Variants in FOXP2 observed in about 807,000 individuals in gnomAD.
The protein encoded by FOXP2 is forkhead box P2, also known as forkhead box protein P2.
A neutral mutation model predicts 115.8 loss-of-function variants in FOXP2; 12 were observed. The observed-to-expected ratio is 0.10, with a 90% CI of 0.07 to 0.17. FOXP2 has a LOEUF of 0.17. Among genes scored for constraint, FOXP2 ranks in the 10% least tolerant of loss-of-function variants. The probability of loss-of-function intolerance (pLI) is 1.00; values close to 1 mark genes in which losing one functional copy is unlikely to be tolerated. For missense variants in FOXP2, 629 were observed against 843.5 expected, an observed-to-expected ratio of 0.75 and a Z score of 3.15; for synonymous variants, 328 against 297.7, an observed-to-expected ratio of 1.10 and a Z score of -1.05.
At chr7:114,253,296 T>G (rs921504002) in intron 1 of FOXP2, among the ~76,000 whole-genome samples, 3 of 152,142 alleles carry the variant, frequency 2.0e-5, no homozygotes, top group African/African-American at 7.2e-5. Context: ...GTTCTGTAGA[T>G]GTCTATTAGG....
At chr7:114,604,538 A>G (rs984814590) in intron 3 of FOXP2, among the ~76,000 whole-genome samples, 4 of 152,242 alleles carry the variant, frequency 2.6e-5, no homozygotes, top group Non-Finnish European at 5.9e-5. Flanking sequence ...ACTAATAAAT[A>G]TTTCAAAATA....
intron 2 of FOXP2, chr7:114,499,572 TTTAA>T (rs1303977212): frequency 2.0e-5 from 3 of 152,196 alleles, no homozygotes; most frequent in African/African-American, 7.2e-5. Context: ...AACCTTGTAA[TTTAA>T]TTATGATTTT....
chr7:114,272,264 C>A (rs1796082675), intron 1 of FOXP2, among the ~76,000 whole-genome samples: 1 of 150,882 alleles, frequency 6.6e-6, no homozygotes, highest in Non-Finnish European at 1.5e-5. Context: ...AATTTTTACA[C>A]AATATTGGAT....
chr7:114,141,175 C>G (rs1014066562), intron 1 of FOXP2, among the ~76,000 whole-genome samples: 2 of 152,100 alleles, frequency 1.3e-5, no homozygotes, highest in African/African-American at 2.4e-5. Flanking sequence ...ACTCTTCTTA[C>G]CCTGATAAGA....
chr7:114,644,848 G>A, intron 8 of FOXP2, 59 bp downstream of exon 8: 1 of 1,260,152 alleles, frequency 7.9e-7, no homozygotes, highest in South Asian at 1.2e-5. Flanking sequence ...GGCATTTTAG[G>A]CACATTGTAA....
At chr7:114,114,372 G>C (rs1017709498) in intron 1 of FOXP2, among the ~76,000 whole-genome samples, 2 of 151,772 alleles carry the variant, frequency 1.3e-5, no homozygotes, top group Admixed American at 6.6e-5. Flanking sequence ...TCTTACTTGG[G>C]AATAATGAGT....
intron 2 of FOXP2, among the ~76,000 whole-genome samples, chr7:114,344,626 T>C (rs2129184792): frequency 6.6e-6 from 1 of 151,882 alleles, no homozygotes; most frequent in East Asian, 1.9e-4. Context: ...AGATTGACCG[T>C]AGACATATTT....
intron 1 of FOXP2, among the ~76,000 whole-genome samples, chr7:114,094,455 A>G (rs1202746024): frequency 1.3e-5 from 2 of 152,200 alleles, no homozygotes; most frequent in Non-Finnish European, 1.5e-5. Flanking sequence ...AAAGGAGGCT[A>G]TAATATTTTC....
chr7:114,345,789 C>T (rs918082449), intron 2 of FOXP2, among the ~76,000 whole-genome samples: 1 of 151,614 alleles, frequency 6.6e-6, no homozygotes, highest in Non-Finnish European at 1.5e-5. Flanking sequence ...TCTTAAAGTA[C>T]AGCTTATATC....
intron 3 of FOXP2, among the ~76,000 whole-genome samples, chr7:114,625,967 G>A (rs555642262): frequency 6.6e-6 from 1 of 151,576 alleles, no homozygotes; most frequent in South Asian, 2.1e-4. Flanking sequence ...TGTGTTAATT[G>A]GCTCATCTTT....
At chr7:114,444,303 G>C (rs551910529) in intron 2 of FOXP2, among the ~76,000 whole-genome samples, 4 of 152,026 alleles carry the variant, frequency 2.6e-5, no homozygotes, top group Non-Finnish European at 5.9e-5. Context: ...GAAAAACATA[G>C]GACACTTAAT....
intron 2 of FOXP2, among the ~76,000 whole-genome samples, chr7:114,509,925 GA>G (rs375301578): frequency 5.4e-5 from 8 of 148,728 alleles, no homozygotes; most frequent in Middle Eastern, 6.9e-3. Context: ...GGAAAAGAGA[GA>G]AAAAAAAAGG....
intron 3 of FOXP2, among the ~76,000 whole-genome samples, chr7:114,613,456 A>G (rs1172131958): frequency 1.3e-5 from 2 of 152,054 alleles, no homozygotes; most frequent in African/African-American, 4.8e-5. Flanking sequence ...CAGGCGGATC[A>G]TGAGGTCAGG....
At chr7:114,394,516 A>G (rs893984700) in intron 2 of FOXP2, among the ~76,000 whole-genome samples, 1 of 152,086 alleles carries the variant, frequency 6.6e-6, no homozygotes, top group Non-Finnish European at 1.5e-5. Flanking sequence ...CAAAATGTTT[A>G]CTAATTACAA....
At chr7:114,159,472 T>G (rs1792768756), upstream of FOXP2, among the ~76,000 whole-genome samples, 2 of 149,702 alleles carry the variant, frequency 1.3e-5, no homozygotes, top group Non-Finnish European at 3.0e-5. Context: ...TTTTTTTTCA[T>G]GTAACAGCAT....
At chr7:114,396,650 G>T (rs1023829008) in intron 2 of FOXP2, among the ~76,000 whole-genome samples, 1 of 151,872 alleles carries the variant, frequency 6.6e-6, no homozygotes, top group African/African-American at 2.4e-5. Context: ...GTAGAATGAT[G>T]GTTACTAGGG....
intron 3 of FOXP2, among the ~76,000 whole-genome samples, chr7:114,583,282 G>A (rs529913810): frequency 6.6e-6 from 1 of 152,206 alleles, no homozygotes; most frequent in East Asian, 1.9e-4. Flanking sequence ...GGGTGGCCGA[G>A]GCAGGAGAAT....
At chr7:114,344,420 T>C (rs982748966) in intron 2 of FOXP2, among the ~76,000 whole-genome samples, 7 of 151,862 alleles carry the variant, frequency 4.6e-5, no homozygotes, top group Non-Finnish European at 7.4e-5. Flanking sequence ...CCCCATTGTA[T>C]GCCAACATTG....
chr7:114,130,301 C>T (rs573764056), intron 1 of FOXP2, among the ~76,000 whole-genome samples: 10 of 152,096 alleles, frequency 6.6e-5, no homozygotes, highest in Non-Finnish European at 1.2e-4. Context: ...GCAGCCTCAG[C>T]GACCAAAAAG....
Sources: gnomAD v4.1 joint callset for allele counts (sites outside exome capture counted in the v4.1 genomes callset) on GRCh38, gnomAD v4.1.1 for gene constraint, MANE v1.5 for transcripts, NCBI Gene and HGNC (gene_info 2026-07-23, HGNC 2026-07-21) for gene names.